Variants in TRIML2 observed in about 807,000 individuals in gnomAD.
The protein encoded by TRIML2 is probable E3 ubiquitin-protein ligase TRIML2.
A neutral mutation model predicts 31.2 loss-of-function variants in TRIML2; 28 were observed. The observed-to-expected ratio is 0.90, with a 90% confidence interval of 0.66 to 1.23. TRIML2 has a LOEUF of 1.23. Among genes scored for constraint, TRIML2 ranks in the 50% most tolerant of loss-of-function variants. The probability of loss-of-function intolerance (pLI) is 0.00; values close to 1 mark genes in which losing one functional copy is unlikely to be tolerated. For missense variants in TRIML2, 536 were observed against 528.3 expected, an observed-to-expected ratio of 1.01 and a Z score of -0.14; for synonymous variants, 187 against 197.5, an observed-to-expected ratio of 0.95 and a Z score of 0.45.
Position 188,104,850 on chromosome 4 carries a change from ATTCT to A in TRIML2, c.268_271del (p.Arg90TrpfsTer3), listed in dbSNP as rs758978146. 6.2e-7 allele frequency: 1 copy of A among 1,613,868 alleles called. No homozygotes were observed. The highest frequency in any genetic ancestry group is 1.1e-5 in the South Asian group (1 of 91,066). On this transcript the variant is annotated frameshift_variant, in exon 3 of 8. Coordinates refer to ENST00000682553, the MANE Select transcript of TRIML2 (RefSeq NM_173553.4). LOFTEE classifies it high-confidence loss of function. ...GCACTCACTGACCTGAATCATCGCC[ATTCT>A]TTCTTGCTCATCAGTCAATATGCTT...
chr4:188,106,504 C>T (rs1734048393), intron 1 of TRIML2: 2 of 152,584 alleles, frequency 1.3e-5, no homozygotes, highest in African/African-American at 2.4e-5. Flanking sequence ...GCTCCTTCCT[C>T]TTTGACTCCA....
intron 4 of TRIML2, among the ~76,000 whole-genome samples, chr4:188,100,453 T>A (rs1229170740): frequency 2.0e-5 from 3 of 152,196 alleles, no homozygotes; most frequent in East Asian, 3.9e-4. Flanking sequence ...CCGGGCGCGG[T>A]GGCTCACGCC....
rs145048322 is a variant in TRIML2, at chr4:188,103,005, GTTTT to G, written c.286-1759_286-1756del. On this transcript the variant is annotated intron_variant, in intron 3 of 7. Transcript: ENST00000682553. ...CTCCACCTCTGCTTTTACTCTCTTG[GTTTT>G]TTTTTTTTTTTTTTTTTTTTTGAGA... Among the ~76,000 whole-genome samples the G allele has an allele frequency of 6.5e-4, 64 of 97,876 alleles. 2 individuals are homozygous for G. The highest frequency in any genetic ancestry group is 1.9e-3 in the African/African-American group (48 of 25,518). 64.2% of individuals were successfully genotyped at this position (97,876 alleles called of 152,430 possible). A position where few individuals can be genotyped will look rare whatever the true frequency, so the allele number is the denominator to read the frequency against.
intron 1 of TRIML2, among the ~76,000 whole-genome samples, chr4:188,108,856 G>A (rs1221407499): frequency 2.0e-5 from 3 of 152,074 alleles, no homozygotes; most frequent in African/African-American, 7.2e-5. Context: ...GTAGCGAAAA[G>A]ATTTTATCTT....
intron 4 of TRIML2, among the ~76,000 whole-genome samples, chr4:188,100,776 T>C (rs1304309511): frequency 1.3e-5 from 2 of 152,152 alleles, no homozygotes; most frequent in Admixed American, 1.3e-4. Context: ...TCAGTTTCAG[T>C]GTTGCCTTAC....
chr4:188,108,473 G>A, intron 1 of TRIML2, among the ~76,000 whole-genome samples: 1 of 152,142 alleles, frequency 6.6e-6, no homozygotes, highest in East Asian at 1.9e-4. Flanking sequence ...TCCATCTCCA[G>A]CTCCTCTCTG....
intron 5 of TRIML2, chr4:188,098,078 C>T (rs1222790695): frequency 2.1e-5 from 5 of 235,630 alleles, no homozygotes; most frequent in African/African-American, 7.2e-5. Context: ...GCCGAAATTG[C>T]GCCACTGCTC....
chr4:188,103,386 C>T (rs754641985), intron 3 of TRIML2, among the ~76,000 whole-genome samples: 6 of 152,106 alleles, frequency 3.9e-5, no homozygotes, highest in African/African-American at 9.7e-5. Flanking sequence ...GCCTTCTGTT[C>T]GAAACCTTCC....
intron 1 of TRIML2, chr4:188,106,088 C>G (rs7670237): frequency 0.34 from 51,841 of 151,028 alleles, 11,360 homozygotes; most frequent in African/African-American, 0.63. Flanking sequence ...CTCGCTCTGT[C>G]ACCCAGGCTG....
chr4:188,098,225 C>A (rs1205644044), intron 5 of TRIML2: 2 of 454,976 alleles, frequency 4.4e-6, no homozygotes, highest in Non-Finnish European at 4.4e-6. Context: ...GTAGCTTCTG[C>A]ACAGCAGAAA....
intron 5 of TRIML2, chr4:188,098,335 C>T (rs1733618994): frequency 4.8e-6 from 2 of 412,426 alleles, no homozygotes; most frequent in Non-Finnish European, 9.7e-6. Flanking sequence ...CCTCCATCTC[C>T]AGCCTCACAA....
Position 188,091,709 on chromosome 4 carries a change from G to A in TRIML2, c.978C>T (p.Asp326=), listed in dbSNP as rs2279552. The A allele has an allele frequency of 7.6e-4, 1,233 of 1,613,564 alleles. 31 individuals are homozygous for A. In the East Asian group the frequency reaches 0.027, roughly 35 times the overall value. Residue 326 remains aspartate (D), a synonymous_variant, in exon 8 of 8, where the codon GAC becomes GAT. Transcript: ENST00000682553. ...WQVGIYHGSA[D]AKGSTARASG... ...AAGCTCTGGCCGTGCTGCCCTTCGCGTCTGCAGAGCCGTGGTATATGCCCA... is the reference window on the plus strand; with the variant it reads ...AAGCTCTGGCCGTGCTGCCCTTCGCATCTGCAGAGCCGTGGTATATGCCCA...
rs1259603097 is a variant in TRIML2, at chr4:188,097,122, A to G, written c.684T>C (p.His228=). Residue 228 remains histidine (H), a synonymous_variant, in exon 7 of 8, where the codon CAT becomes CAC. Transcript: ENST00000682553. ...TGTGGCATAAACTCAGGTCTGTGAT[A>G]TGAGCGGGCTCCAGATGCTCAAGCA... ...SLLLEHLEPA[H]ITDLSLCHIR... is the part of the protein sequence containing the mutation. 1.2e-6 allele frequency: 2 copies of G among 1,614,118 alleles called. No homozygotes were observed. Among genetic ancestry groups the G allele is most frequent in the East Asian group, 4.5e-5 (2 of 44,866 alleles).
At chr4:188,098,832 T>C in intron 5 of TRIML2, 1 of 559,198 alleles carries the variant, frequency 1.8e-6, no homozygotes, top group East Asian at 3.1e-5. Flanking sequence ...TGAGAATTCA[T>C]CTCATGAAGC....
rs1381573110 is a variant in TRIML2 at position 188,109,401 on chromosome 4, T to C, written c.-381A>G. The C allele has an allele frequency of 6.7e-6, 1 of 149,064 alleles. No homozygotes were observed. Among genetic ancestry groups the C allele is most frequent in the Non-Finnish European group, 1.5e-5 (1 of 67,564 alleles). 9.2% of individuals were successfully genotyped at this position (149,064 alleles called of 1,614,324 possible). ...AAGTGATTCTCCCACCTTGACCTCCTGAGTAGCTGGGATTACAGGCGCTGC... is the reference window on the plus strand; with the variant it reads ...AAGTGATTCTCCCACCTTGACCTCCCGAGTAGCTGGGATTACAGGCGCTGC... On this transcript the variant is annotated 5_prime_UTR_variant, in exon 1 of 8. Coordinates refer to ENST00000682553, the MANE Select transcript of TRIML2 (RefSeq NM_173553.4).
intron 7 of TRIML2, among the ~76,000 whole-genome samples, chr4:188,096,169 C>T (rs182714771): frequency 1.5e-3 from 223 of 152,134 alleles, no homozygotes; most frequent in African/African-American, 4.6e-3. Context: ...GAGCCTGAGG[C>T]GCGTGGATCA....
At chr4:188,107,579 AC>A (rs1734091964) in intron 1 of TRIML2, among the ~76,000 whole-genome samples, 1 of 152,216 alleles carries the variant, frequency 6.6e-6, no homozygotes, top group African/African-American at 2.4e-5. Context: ...ACTCCAAGCA[AC>A]AAATTAAAAA....
In TRIML2 at chr4:188,099,091, T is replaced by G. The variant is rs772467360; in HGVS notation, c.565A>C (p.Lys189Gln). ...RASEQVRSLL[K>Q]LIVELEKKCG... ...TTTTTCTCAAGCTCCACGATGAGCT[T>G]TAGGAGGCTGCGGACCTGTTCAGAA... is the stretch of plus-strand genomic sequence containing the variant. The change falls in exon 5 of 8, where the codon AAG becomes CAG. Residue 189 changes from lysine (K) to glutamine (Q), a missense_variant. Transcript: ENST00000682553. 5 of 1,614,118 alleles carry G rather than the reference T, an allele frequency of 3.1e-6. No individual in the cohort carries two copies. The Admixed American group carries it at 8.3e-5, about 27-fold the overall frequency.
In TRIML2 at chr4:188,099,166, G is replaced by A. The variant is rs891793224; in HGVS notation, c.490C>T (p.Arg164Cys). 32 of 1,606,440 alleles carry A rather than the reference G, an allele frequency of 2.0e-5. No homozygotes were observed. Among genetic ancestry groups the A allele is most frequent in the Middle Eastern group, 1.7e-4 (1 of 6,040 alleles). ...MFQEMLQRLG[R>C]VGRENMEKLK... ...TTCTCCATGTTCTCTCTCCCCACAC[G>A]GCCCAGTCTCTGCAGAAGCATTTCT... The change falls in exon 5 of 8, where the codon CGT becomes TGT. Residue 164 changes from arginine to cysteine, a missense_variant. Arg to Cys is a radical substitution (Grantham distance 180, BLOSUM62 -3). Coordinates refer to ENST00000682553, the MANE Select transcript of TRIML2 (RefSeq NM_173553.4).
Sources: gnomAD v4.1 joint callset for allele counts (sites outside exome capture counted in the v4.1 genomes callset) on GRCh38, gnomAD v4.1.1 for gene constraint, MANE v1.5 for transcripts, NCBI Gene and HGNC (gene_info 2026-07-23, HGNC 2026-07-21) for gene names.